The following TIAM2 variants were observed in gnomAD, a reference collection of about 807,000 sequenced individuals.
The protein encoded by TIAM2 is TIAM Rac1 associated GEF 2.
In TIAM2, 80 loss-of-function variants were observed where a neutral mutation model predicts 152.9. The observed-to-expected ratio is 0.52, with a 90% CI of 0.44 to 0.63. The LOEUF (loss-of-function observed/expected upper bound fraction) is 0.63, where lower values mean the gene tolerates loss of function less well. Ranked by LOEUF, TIAM2 falls within the 30% of genes least tolerant of loss-of-function variation. The pLI is 0.00. For missense variants in TIAM2, 1,965 were observed against 2,120.1 expected (o/e 0.93, Z 1.44); for synonymous variants, 804 against 838.0 (o/e 0.96, Z 0.70).
chr6:155,248,317 A>G, intron 20 of TIAM2, 138 bp downstream of exon 20: 3 of 1,005,848 alleles, frequency 3.0e-6, no homozygotes, highest in Non-Finnish European at 4.2e-6. Flanking sequence ...TGCGATGGTT[A>G]ATCTTAGGTT....
intron 1 of TIAM2, among the ~76,000 whole-genome samples, chr6:155,085,061 A>C (rs939346811): frequency 6.6e-6 from 1 of 152,034 alleles, no homozygotes; most frequent in African/African-American, 2.4e-5. Context: ...GATCCTACAA[A>C]CCTGGGTCAC....
chr6:154,997,075 C>T (rs1027045811), intron 1 of TIAM2, among the ~76,000 whole-genome samples: 6 of 152,170 alleles, frequency 3.9e-5, no homozygotes, highest in African/African-American at 1.4e-4. Flanking sequence ...CCCAGGCCTC[C>T]TGGCTCTCCC....
intron 1 of TIAM2, among the ~76,000 whole-genome samples, chr6:155,058,658 G>A (rs1777503461): frequency 6.6e-6 from 1 of 152,144 alleles, no homozygotes; most frequent in African/African-American, 2.4e-5. Context: ...GAGCAAAACT[G>A]AGGCTCTGAA....
chr6:155,003,948 ACTCCATCT>A (rs1562286973), intron 1 of TIAM2, among the ~76,000 whole-genome samples: 1 of 151,892 alleles, frequency 6.6e-6, no homozygotes, highest in Non-Finnish European at 1.5e-5. Flanking sequence ...ACGGAGCGAG[ACTCCATCT>A]CTCCCAACTC....
At chr6:155,049,865 A>G (rs1378074592) in intron 1 of TIAM2, among the ~76,000 whole-genome samples, 2 of 152,172 alleles carry the variant, frequency 1.3e-5, no homozygotes, top group Non-Finnish European at 2.9e-5. Context: ...TGTCATGATA[A>G]GAGAAATAGC....
intron 1 of TIAM2, among the ~76,000 whole-genome samples, chr6:155,038,955 T>A (rs1399650932): frequency 3.4e-4 from 4 of 11,768 alleles, no homozygotes; most frequent in Non-Finnish European, 2.0e-4. Context: ...AGCATGTCCT[T>A]TTTTTTTTTT....
intron 7 of TIAM2, among the ~76,000 whole-genome samples, chr6:155,160,108 C>G (rs953987935): frequency 5.3e-5 from 8 of 152,132 alleles, no homozygotes; most frequent in African/African-American, 1.9e-4. Context: ...CAGGGTAAGT[C>G]AGTAAGCTGG....
At chr6:155,176,169 C>G in intron 9 of TIAM2, among the ~76,000 whole-genome samples, 1 of 152,094 alleles carries the variant, frequency 6.6e-6, no homozygotes, top group South Asian at 2.1e-4. Context: ...TCACAGTGGC[C>G]CTTCTCAACC....
intron 1 of TIAM2, among the ~76,000 whole-genome samples, chr6:155,081,877 G>A (rs529241825): frequency 1.3e-5 from 2 of 152,028 alleles, no homozygotes; most frequent in Non-Finnish European, 2.9e-5. Context: ...TTGCATTTTT[G>A]TTCTCGCTCA....
rs1216826732 is a variant in TIAM2 at position 155,214,215 on chromosome 6, C to T, written c.3168+2908C>T. Among the ~76,000 whole-genome samples, 3 of 152,234 alleles carry T rather than the reference C, an allele frequency of 2.0e-5. No individual in the cohort carries two copies. Among genetic ancestry groups the T allele is most frequent in the East Asian group, 1.9e-4 (1 of 5,196 alleles). On this transcript the variant is annotated intron_variant, in intron 15 of 26. Transcript: ENST00000682666. The surrounding 1 kb of genome is among the most constrained non-coding windows in gnomAD (Gnocchi z 5.4). ...CCTGCTGGCTCCATGGAACGCACAG[C>T]GCTGGCCGTGCCTCCCCCGGTGCAG...
intron 7 of TIAM2, among the ~76,000 whole-genome samples, chr6:155,162,103 A>G (rs1030272553): frequency 2.0e-5 from 3 of 151,924 alleles, no homozygotes; most frequent in Admixed American, 6.6e-5. Context: ...GACTACAGGC[A>G]TGCACCACCA....
rs765605764 is a variant in TIAM2, at chr6:155,211,256, T to C, written c.3117T>C (p.Asp1039=). ...CAGGTCTGAAAAGGAGTCAGACAGA[T>C]GGCACTCTGGATCAGGTTTCCCACA... The part of the protein sequence containing the change: ...ITTGLKRSQT[D]GTLDQVSHRE... The change falls in exon 15 of 27, where the codon GAT becomes GAC. Residue 1039 remains aspartate (D), a synonymous_variant. Transcript: ENST00000682666. The C allele has an allele frequency of 1.9e-6, 3 of 1,613,698 alleles. No homozygotes were observed. The East Asian group carries it at 6.7e-5, about 36-fold the overall frequency.
At chr6:155,161,269 C>T (rs991167700) in intron 7 of TIAM2, among the ~76,000 whole-genome samples, 3 of 152,192 alleles carry the variant, frequency 2.0e-5, no homozygotes, top group African/African-American at 7.2e-5. Flanking sequence ...TCACTGCAAC[C>T]TCTGCTTCCT....
Position 155,244,776 on chromosome 6 carries a change from A to G in TIAM2, c.3536A>G (p.Gln1179Arg). 1 of 1,609,622 alleles carries G rather than the reference A, an allele frequency of 6.2e-7. No individual in the cohort carries two copies. The highest frequency in any genetic ancestry group is 8.5e-7 in the Non-Finnish European group (1 of 1,177,804). ...SDFNTLETPS[Q>R]FRKLLFSLGG... is the part of the protein sequence containing the mutation. The stretch of plus-strand genomic sequence containing the variant: ...TTTAACACCCTAGAAACCCCCTCAC[A>G]GTTTAGAGTAAGTATCTCAGATTTA... The change falls in exon 18 of 27, where the codon CAG becomes CGG. Residue 1179 changes from glutamine (Q) to arginine (R), a missense_variant. This residue lies in a region of TIAM2 where 935 missense variants were observed against 980.0 expected (regional missense o/e 0.95). Transcript: ENST00000682666.
At chr6:155,065,890 G>A (rs111569263) in intron 1 of TIAM2, among the ~76,000 whole-genome samples, 3 of 152,180 alleles carry the variant, frequency 2.0e-5, no homozygotes, top group African/African-American at 7.2e-5. Flanking sequence ...CAAGCCTGCT[G>A]GGAAGCCGGT....
intron 1 of TIAM2, among the ~76,000 whole-genome samples, chr6:155,025,350 C>T (rs561794305): frequency 1.6e-4 from 25 of 152,192 alleles, no homozygotes; most frequent in Non-Finnish European, 3.4e-4. Context: ...CCTGCCACCA[C>T]GCCCGGCTAA....
chr6:155,172,852 A>G, intron 9 of TIAM2, among the ~76,000 whole-genome samples: 1 of 151,094 alleles, frequency 6.6e-6, no homozygotes, highest in Non-Finnish European at 1.5e-5. Flanking sequence ...CTGGAAAAAG[A>G]GTTTTCCAGA....
At chr6:155,011,044 C>A (rs78602927) in intron 1 of TIAM2, among the ~76,000 whole-genome samples, 96 of 140,692 alleles carry the variant, frequency 6.8e-4, no homozygotes, top group South Asian at 9.0e-4. Context: ...AACTCTGTCT[C>A]AAAAAAAAAA....
chr6:155,075,447 A>G (rs1284228583), intron 1 of TIAM2, among the ~76,000 whole-genome samples: 1 of 152,020 alleles, frequency 6.6e-6, no homozygotes, highest in Non-Finnish European at 1.5e-5. Flanking sequence ...TGACTCTACC[A>G]TAGCTTTCCT....
Sources: allele counts gnomAD v4.1 joint callset (sites outside exome capture counted in the v4.1 genomes callset), GRCh38; gene constraint gnomAD v4.1.1; regional missense constraint gnomAD v4.1.1; non-coding constraint Gnocchi (gnomAD v3.1); transcripts MANE v1.5; gene names NCBI Gene and HGNC (gene_info 2026-07-23, HGNC 2026-07-21).